Variants in GLIS3 observed in about 807,000 individuals in gnomAD.
The protein encoded by GLIS3 is GLIS family zinc finger 3, also known as zinc finger protein GLIS3.
Under a neutral mutation model 78.6 loss-of-function variants are expected in GLIS3, and 53 were observed. The ratio of observed to expected loss-of-function variants is 0.67; its 90% CI spans 0.54 to 0.85. The LOEUF (loss-of-function observed/expected upper bound fraction) is 0.85. GLIS3 is among the 40% of genes least tolerant of loss of function. The pLI, the probability that GLIS3 is intolerant of heterozygous loss-of-function variation, is 0.00. For missense variants in GLIS3, 1,703 were observed against 1,231.1 expected (o/e 1.38, Z -5.74); for synonymous variants, 684 against 509.9 (o/e 1.34, Z -4.60).
chr9:3,954,406 G>C (rs1304714050), intron 4 of GLIS3, among the ~76,000 whole-genome samples: 2 of 152,214 alleles, frequency 1.3e-5, no homozygotes, highest in African/African-American at 2.4e-5. Flanking sequence ...TACATTCTCT[G>C]TGTTGTCTTT....
At chr9:3,871,784 T>C (rs539452402) in intron 8 of GLIS3, among the ~76,000 whole-genome samples, 16 of 152,350 alleles carry the variant, frequency 1.1e-4, no homozygotes, top group Admixed American at 5.2e-4. Context: ...ACCTCTGAGA[T>C]GCACTGGAGA....
chr9:4,417,042 G>A, the GLIS3 span, among the ~76,000 whole-genome samples: 1 of 151,992 alleles, frequency 6.6e-6, no homozygotes, highest in Admixed American at 6.6e-5. Context: ...TCTCAATTAT[G>A]CATTTTTGTA....
At chr9:3,855,161 G>C (rs1819685118) in intron 9 of GLIS3, among the ~76,000 whole-genome samples, 1 of 152,142 alleles carries the variant, frequency 6.6e-6, no homozygotes, top group African/African-American at 2.4e-5. Context: ...AACTTTCTAT[G>C]GATGCTCACT....
intron 6 of GLIS3, among the ~76,000 whole-genome samples, chr9:3,899,215 C>G (rs760347932): frequency 6.6e-6 from 1 of 152,124 alleles, no homozygotes; most frequent in African/African-American, 2.4e-5. Context: ...AATAGAAACA[C>G]TGTCATGAAA....
rs971169504 is a variant in GLIS3 at position 4,032,717 on chromosome 9, A to G, written c.1710+85051T>C. On this transcript the variant is annotated intron_variant, in intron 4 of 10. Transcript: ENST00000381971. The stretch of plus-strand genomic sequence containing the variant: ...CCGGGGCAAGTATATGGAAGCCCAT[A>G]TACCCTATGCCATGAGGTTTCTGCT... 5.9e-5 allele frequency among the ~76,000 whole-genome samples: 9 copies of G among 152,232 alleles called. 1 individual carries two copies. The highest frequency in any genetic ancestry group is 5.9e-4 in the Admixed American group (9 of 15,306).
chr9:4,240,214 C>T (rs1287125241), intron 2 of GLIS3, among the ~76,000 whole-genome samples: 1 of 150,684 alleles, frequency 6.6e-6, no homozygotes. Context: ...GGGATGGTTT[C>T]GGGATGAAAC....
At chr9:4,472,076 A>G in the GLIS3 span, among the ~76,000 whole-genome samples, 1 of 152,264 alleles carries the variant, frequency 6.6e-6, no homozygotes, top group African/African-American at 2.4e-5. Context: ...CACACCAGTT[A>G]GAATGGCAGT....
chr9:3,901,873 GA>G (rs796770202), intron 6 of GLIS3, among the ~76,000 whole-genome samples: 3 of 151,268 alleles, frequency 2.0e-5, no homozygotes, highest in Non-Finnish European at 3.0e-5. Context: ...AGAAAAACTG[GA>G]AAAAAAAATT....
At chr9:4,421,861 G>A in the GLIS3 span, among the ~76,000 whole-genome samples, 1 of 152,204 alleles carries the variant, frequency 6.6e-6, no homozygotes, top group South Asian at 2.1e-4. Context: ...ATTCAGGGAT[G>A]CCCCCTAGAA....
chr9:4,443,916 A>C, the GLIS3 span, among the ~76,000 whole-genome samples: 2 of 152,208 alleles, frequency 1.3e-5, no homozygotes, highest in Admixed American at 1.3e-4. Flanking sequence ...CTACAATTCC[A>C]CTGTGTGTGT....
intron 4 of GLIS3, among the ~76,000 whole-genome samples, chr9:4,068,385 G>C (rs1827283779): frequency 6.6e-6 from 1 of 151,900 alleles, no homozygotes; most frequent in Admixed American, 6.6e-5. Context: ...TATTTAATTA[G>C]AAAATTAATC....
At chr9:4,340,790 G>T (rs1400974520) in intron 2 of GLIS3, among the ~76,000 whole-genome samples, 2 of 152,142 alleles carry the variant, frequency 1.3e-5, no homozygotes, top group Admixed American at 1.3e-4. Flanking sequence ...CGCCTCCTGG[G>T]TTCAAGCAAT....
At chr9:4,345,199 G>C (rs1056132517) in intron 2 of GLIS3, among the ~76,000 whole-genome samples, 19 of 152,084 alleles carry the variant, frequency 1.2e-4, no homozygotes, top group African/African-American at 4.6e-4. Flanking sequence ...TTACCTCTGT[G>C]ACCTCGTTTC....
intron 2 of GLIS3, among the ~76,000 whole-genome samples, chr9:4,243,796 C>T (rs910365002): frequency 6.6e-6 from 1 of 152,118 alleles, no homozygotes; most frequent in Non-Finnish European, 1.5e-5. Context: ...AAACAGCTGT[C>T]GAGTTTGTAA....
intron 6 of GLIS3, among the ~76,000 whole-genome samples, chr9:3,921,923 T>TACACACACAC (rs6150898): frequency 0.43 from 63,593 of 149,540 alleles, 13,413 homozygotes; most frequent in African/African-American, 0.48. Context: ...TCATACTGTG[T>TACACACACAC]ACACACACAC....
chr9:4,409,858 G>A, the GLIS3 span, among the ~76,000 whole-genome samples: 4 of 152,164 alleles, frequency 2.6e-5, no homozygotes, highest in South Asian at 4.1e-4. Flanking sequence ...AATTTCAGAC[G>A]TGGCTACCGG....
intron 2 of GLIS3, among the ~76,000 whole-genome samples, chr9:4,186,412 G>C (rs551280576): frequency 2.0e-5 from 3 of 151,990 alleles, no homozygotes; most frequent in Admixed American, 6.5e-5. Context: ...TGGACATTTG[G>C]GTTGGTTGCA....
At chr9:4,025,668 G>A (rs959484087) in intron 4 of GLIS3, among the ~76,000 whole-genome samples, 1 of 152,162 alleles carries the variant, frequency 6.6e-6, no homozygotes, top group Non-Finnish European at 1.5e-5. Flanking sequence ...TTACAGGTGT[G>A]AGCCACTGTG....
At chr9:4,087,253 T>C (rs966033053) in intron 4 of GLIS3, among the ~76,000 whole-genome samples, 3 of 152,206 alleles carry the variant, frequency 2.0e-5, no homozygotes, top group African/African-American at 4.8e-5. Flanking sequence ...CAGCTGTTTT[T>C]TCATCCCTTA....
Sources: allele counts gnomAD v4.1 joint callset (sites outside exome capture counted in the v4.1 genomes callset), GRCh38; gene constraint gnomAD v4.1.1; transcripts MANE v1.5; gene names NCBI Gene and HGNC (gene_info 2026-07-23, HGNC 2026-07-21).